Variants in FSD1L observed in about 807,000 individuals in gnomAD.
FSD1L encodes the protein FSD1-like protein.
In FSD1L, 45 loss-of-function variants were observed where a neutral mutation model predicts 71.6. The observed-to-expected ratio is 0.63, with a 90% CI of 0.49 to 0.81. The LOEUF (loss-of-function observed/expected upper bound fraction) is 0.81. Among genes scored for constraint, FSD1L ranks in the 30% least tolerant of loss-of-function variants. The probability of loss-of-function intolerance (pLI) is 0.00; values close to 1 mark genes in which losing one functional copy is unlikely to be tolerated. For missense variants in FSD1L, 561 were observed against 618.1 expected (o/e 0.91, Z 0.98); for synonymous variants, 197 against 207.2 (o/e 0.95, Z 0.42).
At chr9:105,466,946 A>G (rs1488770487) in intron 3 of FSD1L, among the ~76,000 whole-genome samples, 1 of 152,182 alleles carries the variant, frequency 6.6e-6, no homozygotes, top group East Asian at 1.9e-4. Flanking sequence ...TTAAACTACA[A>G]CCTCGTTGCT....
Position 105,448,341 on chromosome 9 carries a change from C to T in FSD1L, c.15+106C>T, listed in dbSNP as rs377739841. ...TGTGGGTGCGCGGGGTGGGCCTGGCCGGGCGTCCGGGCTGCTGCTGCGGAG... is the reference window on the plus strand; with the variant it reads ...TGTGGGTGCGCGGGGTGGGCCTGGCTGGGCGTCCGGGCTGCTGCTGCGGAG... On this transcript the variant is annotated intron_variant, in intron 1 of 13. Transcript: ENST00000481272. 2.0e-4 allele frequency: 208 copies of T among 1,063,354 alleles called. 3 individuals carry two copies. The South Asian group carries it at 3.7e-3, about 19-fold the overall frequency. 65.9% of individuals were successfully genotyped at this position (1,063,354 alleles called of 1,614,324 possible).
At chr9:105,529,269 C>T (rs1835735096) in intron 10 of FSD1L, among the ~76,000 whole-genome samples, 2 of 152,220 alleles carry the variant, frequency 1.3e-5, no homozygotes, top group South Asian at 4.1e-4. Flanking sequence ...AATCCCATTA[C>T]TGGGTATATA....
At chr9:105,541,288 C>CTT (rs35751327) in intron 13 of FSD1L, among the ~76,000 whole-genome samples, 2 of 139,584 alleles carry the variant, frequency 1.4e-5, no homozygotes. Context: ...TTTCTTTTTC[C>CTT]TTTTTTTTTT....
At position 105,512,880 on chromosome 9, in the gene FSD1L, T is replaced by TC; in HGVS notation, c.971dup (p.Thr325TyrfsTer9). ...TTGAAGATACATGTGTAGAGTGGGA[T>TC]CCTACTGGAGGAAAAGGTCAAGAAA... On this transcript the variant is annotated frameshift_variant, in exon 10 of 14. Coordinates refer to ENST00000481272, the MANE Select transcript of FSD1L (RefSeq NM_001145313.3). LOFTEE classifies it high-confidence loss of function. 6.5e-7 allele frequency: 1 copy of TC among 1,542,700 alleles called. No homozygotes were observed. Among genetic ancestry groups the TC allele is most frequent in the Non-Finnish European group, 8.8e-7 (1 of 1,142,674 alleles).
chr9:105,470,894 C>G (rs12555267), intron 4 of FSD1L, among the ~76,000 whole-genome samples: 4 of 152,096 alleles, frequency 2.6e-5, no homozygotes, highest in Non-Finnish European at 5.9e-5. Flanking sequence ...CTCAGCATCA[C>G]CTGAAGATCC....
intron 4 of FSD1L, among the ~76,000 whole-genome samples, chr9:105,469,634 G>A (rs1255685808): frequency 2.0e-5 from 3 of 150,524 alleles, no homozygotes; most frequent in Admixed American, 2.0e-4. Context: ...GTTTTTGGTG[G>A]TTGTTAAGTT....
chr9:105,453,515 G>A (rs908596862), intron 1 of FSD1L, among the ~76,000 whole-genome samples: 1 of 152,020 alleles, frequency 6.6e-6, no homozygotes, highest in Non-Finnish European at 1.5e-5. Flanking sequence ...GTGTGTGCGT[G>A]TGTGTGCATG....
At chr9:105,523,305 C>T in intron 10 of FSD1L, 1 of 1,592,006 alleles carries the variant, frequency 6.3e-7, no homozygotes, top group Non-Finnish European at 8.6e-7. Flanking sequence ...ACAGAAGGAT[C>T]TGCAGCTCGA....
chr9:105,484,970 G>A (rs1309511195), intron 7 of FSD1L, among the ~76,000 whole-genome samples: 2 of 152,072 alleles, frequency 1.3e-5, no homozygotes, highest in Admixed American at 1.3e-4. Context: ...GTGAATGTTA[G>A]GTGTTATCAT....
At chr9:105,524,754 T>A (rs1417262717) in intron 10 of FSD1L, 1 of 1,611,478 alleles carries the variant, frequency 6.2e-7, no homozygotes, top group Middle Eastern at 1.7e-4. Context: ...GCAGCATGGA[T>A]TAATCTCTAT....
Position 105,550,265 on chromosome 9 carries a change from C to T in FSD1L, c.*3782C>T, listed in dbSNP as rs1237405296. 4 of 151,892 alleles carry T rather than the reference C, an allele frequency of 2.6e-5. No individual in the cohort carries two copies. The highest frequency in any genetic ancestry group is 5.9e-5 in the Non-Finnish European group (4 of 67,864). 9.4% of individuals were successfully genotyped at this position (151,892 alleles called of 1,614,324 possible). ...TGCTAAAAAAAAATCAAATTAACTG[C>T]ATATAAAATGGTTCACTTTTATATA... On this transcript the variant is annotated 3_prime_UTR_variant, in exon 14 of 14. Transcript: ENST00000481272.
chr9:105,474,308 G>A (rs1831657920), intron 5 of FSD1L, among the ~76,000 whole-genome samples: 1 of 152,122 alleles, frequency 6.6e-6, no homozygotes, highest in Admixed American at 6.5e-5. Flanking sequence ...TTTTATGGGA[G>A]CACCATTGTA....
chr9:105,487,498 ATGAG>A (rs1832628517), intron 7 of FSD1L, among the ~76,000 whole-genome samples: 1 of 151,952 alleles, frequency 6.6e-6, no homozygotes, highest in African/African-American at 2.4e-5. Flanking sequence ...TTAAGTATGA[ATGAG>A]TTTGTGCTTT....
chr9:105,520,524 A>C (rs1835077610), intron 10 of FSD1L: 1 of 1,181,044 alleles, frequency 8.5e-7, no homozygotes, highest in South Asian at 1.2e-5. Flanking sequence ...TTTTTGAGAA[A>C]ATTTTACAAC....
At chr9:105,513,955 C>A (rs1834547100) in intron 10 of FSD1L, among the ~76,000 whole-genome samples, 1 of 152,042 alleles carries the variant, frequency 6.6e-6, no homozygotes, top group Non-Finnish European at 1.5e-5. Context: ...GAATAATATT[C>A]GTTAGTCTAA....
rs1334477273 is a variant in FSD1L at position 105,535,017 on chromosome 9, T to G, written c.1127-50T>G. On this transcript the variant is annotated intron_variant, in intron 11 of 13. Coordinates refer to ENST00000481272, the MANE Select transcript of FSD1L (RefSeq NM_001145313.3). ...GGGACGAGTGGTAGGTAAAACTGTGTGACTCATAAGGAAGAGATGAGTCAA... is the reference window on the plus strand; with the variant it reads ...GGGACGAGTGGTAGGTAAAACTGTGGGACTCATAAGGAAGAGATGAGTCAA... 3.2e-6 allele frequency: 5 copies of G among 1,542,888 alleles called. No homozygotes were observed. The Admixed American group carries it at 7.9e-5, about 24-fold the overall frequency.
intron 3 of FSD1L, among the ~76,000 whole-genome samples, chr9:105,465,368 A>G (rs1440849413): frequency 6.6e-6 from 1 of 152,228 alleles, no homozygotes; most frequent in Non-Finnish European, 1.5e-5. Flanking sequence ...TCTTCCAAAA[A>G]AATCAAACAG....
chr9:105,500,308 T>A (rs1833686890), intron 7 of FSD1L, among the ~76,000 whole-genome samples: 1 of 152,222 alleles, frequency 6.6e-6, no homozygotes, highest in Non-Finnish European at 1.5e-5. Flanking sequence ...AGCACCATAA[T>A]TAGGTCTCAG....
In FSD1L at chr9:105,496,704, A is replaced by G. The variant is rs150183771; in HGVS notation, c.587-9695A>G. Reference sequence around the variant, plus strand: ...CAAATTTCACTTGTTCATTTCTGGTATACAGGAAAGTGGTAGGCCTTGTAT... The same window carrying G: ...CAAATTTCACTTGTTCATTTCTGGTGTACAGGAAAGTGGTAGGCCTTGTAT... On this transcript the variant is annotated intron_variant, in intron 7 of 13. Coordinates refer to ENST00000481272, the MANE Select transcript of FSD1L (RefSeq NM_001145313.3). Among the ~76,000 whole-genome samples, 1,029 of 152,378 alleles carry G rather than the reference A, an allele frequency of 6.8e-3. 6 individuals are homozygous for G. Among genetic ancestry groups the G allele is most frequent in the Non-Finnish European group, 0.01 (708 of 68,038 alleles).
Sources: allele counts gnomAD v4.1 joint callset (sites outside exome capture counted in the v4.1 genomes callset), GRCh38; gene constraint gnomAD v4.1.1; transcripts MANE v1.5; gene names NCBI Gene and HGNC (gene_info 2026-07-23, HGNC 2026-07-21).